ZHX2: variants seen among roughly 807,000 people sequenced by gnomAD.
ZHX2 encodes the protein zinc fingers and homeoboxes 2, also known as zinc fingers and homeoboxes protein 2.
In ZHX2, 6 loss-of-function variants were observed where a neutral mutation model predicts 21.9. The observed-to-expected ratio is 0.27, with a 90% CI of 0.15 to 0.54. ZHX2 has a LOEUF of 0.54. Among genes scored for constraint, ZHX2 ranks in the 20% least tolerant of loss-of-function variants. ZHX2 has a pLI of 0.95. For missense variants in ZHX2, 908 were observed against 1,090.7 expected (o/e 0.83, Z 2.36); for synonymous variants, 434 against 437.1 (o/e 0.99, Z 0.09).
chr8:122,948,799 T>G (rs1249445868), intron 2 of ZHX2, among the ~76,000 whole-genome samples: 1 of 152,172 alleles, frequency 6.6e-6, no homozygotes, highest in African/African-American at 2.4e-5. Context: ...GTCTTACAGC[T>G]TAACCCAAGA....
chr8:122,814,669 G>A (rs1044099052), intron 1 of ZHX2, among the ~76,000 whole-genome samples: 1 of 152,192 alleles, frequency 6.6e-6, no homozygotes, highest in African/African-American at 2.4e-5. Context: ...CCCTGAGCAG[G>A]TTCTTCTCTA....
chr8:122,875,669 G>A (rs908512462), intron 2 of ZHX2, among the ~76,000 whole-genome samples: 6 of 152,254 alleles, frequency 3.9e-5, no homozygotes, highest in Admixed American at 6.5e-5. Context: ...AATCCTCTGC[G>A]ATAAGCATGA....
intron 1 of ZHX2, among the ~76,000 whole-genome samples, chr8:122,842,943 G>C (rs1348691179): frequency 6.6e-6 from 1 of 152,200 alleles, no homozygotes; most frequent in East Asian, 1.9e-4. Flanking sequence ...CAACAGGTTG[G>C]GGCAGGTGAG....
At chr8:122,943,919 CGCCATCTA>C (rs375566221) in intron 2 of ZHX2, among the ~76,000 whole-genome samples, 8 of 152,328 alleles carry the variant, frequency 5.3e-5, no homozygotes, top group Non-Finnish European at 1.2e-4. Context: ...CCAGGCTCTT[CGCCATCTA>C]GCCCCAACCT....
intron 1 of ZHX2, among the ~76,000 whole-genome samples, chr8:122,816,709 A>G (rs1317393559): frequency 6.6e-6 from 1 of 152,038 alleles, no homozygotes; most frequent in Non-Finnish European, 1.5e-5. Flanking sequence ...TACAAATATT[A>G]GCTCAGTCAT....
chr8:122,816,079 CAAAAAA>C (rs71310626), intron 1 of ZHX2, among the ~76,000 whole-genome samples: 1 of 90,280 alleles, frequency 1.1e-5, no homozygotes, highest in Non-Finnish European at 2.1e-5. Context: ...GACTCCGTCT[CAAAAAA>C]AAAAAAAAAA....
chr8:122,954,762 G>A (rs1378946686), intron 3 of ZHX2, among the ~76,000 whole-genome samples: 2 of 152,096 alleles, frequency 1.3e-5, no homozygotes, highest in African/African-American at 2.4e-5. Flanking sequence ...CTGAAGGTTA[G>A]TTTTGACTGT....
In ZHX2 at chr8:122,954,670, G is replaced by A. The variant is rs377053704; in HGVS notation, c.*4+642G>A. The stretch of plus-strand genomic sequence containing the variant: ...AAAAATGGGGGCTGATGGAACCTAC[G>A]TCCTCATTTGTAAGGCTGTGCCCAG... On this transcript the variant is annotated intron_variant, in intron 3 of 3. Coordinates refer to ENST00000314393, the MANE Select transcript of ZHX2 (RefSeq NM_014943.5). 1.8e-3 allele frequency among the ~76,000 whole-genome samples: 280 copies of A among 152,246 alleles called. 2 individuals carry two copies. Among genetic ancestry groups the A allele is most frequent in the African/African-American group, 5.3e-3 (222 of 41,540 alleles).
intron 2 of ZHX2, among the ~76,000 whole-genome samples, chr8:122,865,912 T>C (rs1437152634): frequency 6.6e-6 from 1 of 152,144 alleles, no homozygotes; most frequent in Non-Finnish European, 1.5e-5. Flanking sequence ...TAGCACATCC[T>C]CTAAGCTGGA....
At chr8:122,936,051 C>T (rs904838320) in intron 2 of ZHX2, among the ~76,000 whole-genome samples, 7 of 152,070 alleles carry the variant, frequency 4.6e-5, no homozygotes, top group Non-Finnish European at 1.0e-4. Context: ...GACAAATGAA[C>T]GAGTGAATGC....
intron 2 of ZHX2, among the ~76,000 whole-genome samples, chr8:122,896,955 C>T (rs11787526): frequency 0.47 from 71,691 of 152,058 alleles, 17,195 homozygotes; most frequent in South Asian, 0.62. Flanking sequence ...TTCCTGTGGC[C>T]GTGAAATGGG....
rs149774253 is a variant in ZHX2, at chr8:122,952,905, C to T, written c.1395C>T (p.Asp465=). ...KASFLQSQFP[D]DAEVYRLIEV... is the part of the protein sequence containing the mutation. ...GCTTTCTCCAGAGCCAGTTCCCTGA[C>T]GATGCCGAGGTTTACCGGCTCATCG... is the stretch of plus-strand genomic sequence containing the variant. The change falls in exon 3 of 4, where the codon GAC becomes GAT. Residue 465 remains aspartate, a synonymous_variant. Coordinates refer to ENST00000314393, the MANE Select transcript of ZHX2 (RefSeq NM_014943.5). This position sits in a 1 kb window ranked among gnomAD's most constrained non-coding sequence, Gnocchi z 6.9. 1.1e-4 allele frequency: 174 copies of T among 1,614,042 alleles called. No individual in the cohort carries two copies. Among genetic ancestry groups the T allele is most frequent in the Non-Finnish European group, 1.3e-4 (158 of 1,180,048 alleles).
At chr8:122,877,143 T>G (rs1326555465) in intron 2 of ZHX2, among the ~76,000 whole-genome samples, 5 of 152,172 alleles carry the variant, frequency 3.3e-5, no homozygotes, top group African/African-American at 1.2e-4. Context: ...TGTGTGACCT[T>G]GGGTAACTTA....
At chr8:122,918,868 A>G (rs1820667171) in intron 2 of ZHX2, among the ~76,000 whole-genome samples, 1 of 151,794 alleles carries the variant, frequency 6.6e-6, no homozygotes, top group Non-Finnish European at 1.5e-5. Flanking sequence ...GAATTGCTTG[A>G]ACCTGGGAGA....
At chr8:122,862,871 C>T (rs372539770) in intron 1 of ZHX2, among the ~76,000 whole-genome samples, 1 of 152,188 alleles carries the variant, frequency 6.6e-6, no homozygotes, top group Admixed American at 6.5e-5. Context: ...GTGGTTAAAC[C>T]TCTAGGGCTC....
Position 122,828,301 on chromosome 8 carries a change from AAGAT to A in ZHX2, c.-282-35172_-282-35169del, listed in dbSNP as rs1191910807. On this transcript the variant is annotated intron_variant, in intron 1 of 3. Coordinates refer to ENST00000314393, the MANE Select transcript of ZHX2 (RefSeq NM_014943.5). This position sits in a 1 kb window ranked among gnomAD's most constrained non-coding sequence, Gnocchi z 5.2. ...AAAATTCCTGTTTCTTCAGGAGCTG[AAGAT>A]AGAGAAAGTATCTGTACAGTGCATG... 6.6e-6 allele frequency among the ~76,000 whole-genome samples: 1 copy of A among 152,164 alleles called. No homozygotes were observed. The highest frequency in any genetic ancestry group is 1.5e-5 in the Non-Finnish European group (1 of 68,026).
intron 1 of ZHX2, among the ~76,000 whole-genome samples, chr8:122,824,762 T>G (rs1390712395): frequency 6.6e-6 from 1 of 152,220 alleles, no homozygotes; most frequent in Non-Finnish European, 1.5e-5. Context: ...AGAAATTTGT[T>G]ATTTGACAGT....
chr8:122,866,239 A>G (rs1563759929), intron 2 of ZHX2, among the ~76,000 whole-genome samples: 1 of 152,204 alleles, frequency 6.6e-6, no homozygotes, highest in East Asian at 1.9e-4. Context: ...TTCCTTCCCC[A>G]GTGAGGTCTG....
Position 122,953,808 on chromosome 8 carries a change from G to A in ZHX2, c.2298G>A (p.Glu766=), listed in dbSNP as rs1813216439. 6.2e-7 allele frequency: 1 copy of A among 1,614,258 alleles called. No individual in the cohort carries two copies. ...AKDCLPAKPS[E]ATSDRSEGSS... is the part of the protein sequence containing the mutation. ...ACTGTTTGCCAGCAAAGCCCTCAGA[G>A]GCCACCTCAGACCGGTCAGAGGGCA... Residue 766 remains glutamate (E), a synonymous_variant, in exon 3 of 4, where the codon GAG becomes GAA. Coordinates refer to ENST00000314393, the MANE Select transcript of ZHX2 (RefSeq NM_014943.5). This position sits in a 1 kb window ranked among gnomAD's most constrained non-coding sequence, Gnocchi z 4.6.
Sources: gnomAD v4.1 joint callset for allele counts (sites outside exome capture counted in the v4.1 genomes callset) on GRCh38, gnomAD v4.1.1 for gene constraint, Gnocchi (gnomAD v3.1) non-coding constraint, MANE v1.5 for transcripts, NCBI Gene and HGNC (gene_info 2026-07-23, HGNC 2026-07-21) for gene names.